The following CACNA2D1 variants were observed in gnomAD, a reference collection of about 807,000 sequenced individuals.
CACNA2D1 encodes calcium voltage-gated channel auxiliary subunit alpha2delta 1.
CACNA2D1 carries 53 observed loss-of-function variants against 171.5 expected under a neutral mutation model. The ratio of observed to expected loss-of-function variants is 0.31; its 90% CI spans 0.25 to 0.39. The LOEUF (loss-of-function observed/expected upper bound fraction) is 0.39, where lower values mean the gene tolerates loss of function less well. Among genes scored for constraint, CACNA2D1 ranks in the 10% least tolerant of loss-of-function variants. The probability of loss-of-function intolerance (pLI) is 1.00; values close to 1 mark genes in which losing one functional copy is unlikely to be tolerated. For synonymous variants in CACNA2D1, 442 were observed against 443.1 expected (o/e 1.00, Z 0.03); for missense variants, 903 against 1,299.8 (o/e 0.69, Z 4.69).
chr7:82,074,513 C>T (rs1331752294), intron 7 of CACNA2D1, among the ~76,000 whole-genome samples: 1 of 152,172 alleles, frequency 6.6e-6, no homozygotes, highest in African/African-American at 2.4e-5. Flanking sequence ...CAGGCATGAG[C>T]CACTGTGCCT....
chr7:81,984,061 TA>T (rs959688768), intron 22 of CACNA2D1, among the ~76,000 whole-genome samples: 15 of 152,200 alleles, frequency 9.9e-5, no homozygotes, highest in Admixed American at 6.5e-5. Flanking sequence ...AAATGAGGCT[TA>T]AAAAAATTAA....
intron 31 of CACNA2D1, 90 bp downstream of exon 31, chr7:81,967,079 A>C (rs997855973): frequency 1.1e-6 from 1 of 892,882 alleles, no homozygotes; most frequent in Non-Finnish European, 1.8e-6. Flanking sequence ...TGATTAAAAA[A>C]TTCCTGCATA....
intron 4 of CACNA2D1, among the ~76,000 whole-genome samples, chr7:82,151,015 A>G (rs1793800328): frequency 2.0e-5 from 3 of 152,170 alleles, no homozygotes; most frequent in Admixed American, 2.0e-4. Flanking sequence ...CAAACTGTTT[A>G]CTGATTCAGA....
At chr7:82,259,975 C>A (rs968985901) in intron 3 of CACNA2D1, among the ~76,000 whole-genome samples, 3 of 152,186 alleles carry the variant, frequency 2.0e-5, no homozygotes, top group Non-Finnish European at 4.4e-5. Flanking sequence ...ATAATCCCAA[C>A]ACTTTGGGAG....
chr7:82,313,775 T>C (rs1249825008), intron 3 of CACNA2D1, among the ~76,000 whole-genome samples: 2 of 152,220 alleles, frequency 1.3e-5, no homozygotes, highest in Admixed American at 1.3e-4. Context: ...AAGTGGAAAC[T>C]TTCCCTTGGT....
intron 1 of CACNA2D1, among the ~76,000 whole-genome samples, chr7:82,419,518 T>C (rs751620458): frequency 3.3e-5 from 5 of 152,208 alleles, no homozygotes; most frequent in African/African-American, 4.8e-5. Context: ...CTTCAGGAAA[T>C]TCACAGATCT....
chr7:82,229,611 G>GCCAA (rs913061934), intron 3 of CACNA2D1, among the ~76,000 whole-genome samples: 2 of 151,858 alleles, frequency 1.3e-5, no homozygotes, highest in Admixed American at 6.6e-5. Flanking sequence ...ATGTTCTCAT[G>GCCAA]CCAACAATCC....
At chr7:82,256,877 ATACTT>A (rs1200977880) in intron 3 of CACNA2D1, among the ~76,000 whole-genome samples, 6 of 152,336 alleles carry the variant, frequency 3.9e-5, no homozygotes, top group Non-Finnish European at 7.4e-5. Flanking sequence ...TGACTTATTA[ATACTT>A]GGTACTTTCT....
chr7:82,054,756 G>A (rs1162173220), intron 10 of CACNA2D1, among the ~76,000 whole-genome samples: 1 of 152,024 alleles, frequency 6.6e-6, no homozygotes, highest in African/African-American at 2.4e-5. Flanking sequence ...GTACCTGGGG[G>A]CACAGTCATC....
intron 1 of CACNA2D1, among the ~76,000 whole-genome samples, chr7:82,438,573 AC>A (rs1395056950): frequency 6.6e-6 from 1 of 152,160 alleles, no homozygotes; most frequent in Non-Finnish European, 1.5e-5. Context: ...CAGTGCACAT[AC>A]AAAAAAATGA....
chr7:82,369,321 C>G (rs1451511889), intron 1 of CACNA2D1, among the ~76,000 whole-genome samples: 1 of 151,376 alleles, frequency 6.6e-6, no homozygotes, highest in African/African-American at 2.4e-5. Context: ...TTTGCCACCC[C>G]CTTCTCTTTA....
At chr7:82,081,644 G>A (rs1001199528) in intron 7 of CACNA2D1, among the ~76,000 whole-genome samples, 2 of 152,172 alleles carry the variant, frequency 1.3e-5, no homozygotes, top group African/African-American at 4.8e-5. Context: ...TGCTTCCACA[G>A]CTAATGTTTT....
intron 6 of CACNA2D1, among the ~76,000 whole-genome samples, chr7:82,100,468 T>C (rs888109839): frequency 1.3e-5 from 2 of 152,102 alleles, no homozygotes; most frequent in African/African-American, 4.8e-5. Flanking sequence ...ATGAAAACTT[T>C]CCTGAAACCC....
At chr7:82,282,959 T>C (rs918132459) in intron 3 of CACNA2D1, among the ~76,000 whole-genome samples, 6 of 152,186 alleles carry the variant, frequency 3.9e-5, no homozygotes, top group African/African-American at 1.4e-4. Flanking sequence ...GGTAATGCCA[T>C]GGCAATGGTG....
chr7:82,409,354 C>A (rs1433852949), intron 1 of CACNA2D1, among the ~76,000 whole-genome samples: 2 of 152,132 alleles, frequency 1.3e-5, no homozygotes, highest in African/African-American at 4.8e-5. Context: ...ATGCACCTTA[C>A]AGAGTTCCCC....
chr7:82,278,146 T>A (rs917296856), intron 3 of CACNA2D1, among the ~76,000 whole-genome samples: 6 of 152,222 alleles, frequency 3.9e-5, no homozygotes, highest in African/African-American at 7.2e-5. Context: ...ACTTTTGGTA[T>A]GATTCCCATA....
intron 1 of CACNA2D1, among the ~76,000 whole-genome samples, chr7:82,390,338 T>C (rs990882093): frequency 4.6e-5 from 7 of 152,136 alleles, no homozygotes; most frequent in Admixed American, 4.6e-4. Flanking sequence ...AAATATCACA[T>C]GTACCCAAGC....
chr7:82,275,805 T>C (rs1809244055), intron 3 of CACNA2D1, among the ~76,000 whole-genome samples: 1 of 152,148 alleles, frequency 6.6e-6, no homozygotes, highest in Admixed American at 6.5e-5. Flanking sequence ...GATATTACAT[T>C]TGCTCTTTGA....
chr7:82,321,190 G>A (rs1237479343), intron 3 of CACNA2D1, among the ~76,000 whole-genome samples: 1 of 152,002 alleles, frequency 6.6e-6, no homozygotes, highest in African/African-American at 2.4e-5. Flanking sequence ...TTCGAGGTCA[G>A]GAGTTCAAGA....
Sources: allele counts gnomAD v4.1 joint callset (sites outside exome capture counted in the v4.1 genomes callset), GRCh38; gene constraint gnomAD v4.1.1; transcripts MANE v1.5; gene names NCBI Gene and HGNC (gene_info 2026-07-23, HGNC 2026-07-21).